The following NPAS3 variants were observed in gnomAD, a reference collection of about 807,000 sequenced individuals.
NPAS3 encodes the protein neuronal PAS domain protein 3, also known as neuronal PAS domain-containing protein 3.
Under a neutral mutation model 73.1 loss-of-function variants are expected in NPAS3, and 14 were observed. The observed-to-expected ratio is 0.19, with a 90% CI of 0.13 to 0.30. NPAS3 has a LOEUF of 0.30. NPAS3 is among the 10% of genes least tolerant of loss of function. The pLI is 1.00. For synonymous variants in NPAS3, 620 were observed against 541.5 expected (o/e 1.14, Z -2.01); for missense variants, 1,096 against 1,250.0 (o/e 0.88, Z 1.86).
intron 3 of NPAS3, among the ~76,000 whole-genome samples, chr14:33,356,766 C>G (rs987690045): frequency 6.6e-6 from 1 of 152,062 alleles, no homozygotes; most frequent in African/African-American, 2.4e-5. Flanking sequence ...TGAATATTGT[C>G]TTATGAAGAG....
chr14:33,794,098 A>T, intron 10 of NPAS3, 54 bp downstream of exon 10: 16 of 1,488,870 alleles, frequency 1.1e-5, no homozygotes, highest in Non-Finnish European at 1.5e-5. Flanking sequence ...TATGCCATAT[A>T]AAATATGGCT....
At chr14:33,646,818 G>A (rs61972993) in intron 5 of NPAS3, among the ~76,000 whole-genome samples, 2,175 of 151,264 alleles carry the variant, frequency 0.014, 30 homozygotes, top group Non-Finnish European at 0.024. Flanking sequence ...CAGCACTCAC[G>A]AAGAGATTTG....
intron 5 of NPAS3, among the ~76,000 whole-genome samples, chr14:33,598,099 A>C (rs2057298800): frequency 6.6e-6 from 1 of 152,198 alleles, no homozygotes; most frequent in African/African-American, 2.4e-5. Context: ...CTTGAAAAAT[A>C]AGTTACTGCT....
chr14:33,670,425 C>T (rs2140311884), intron 5 of NPAS3, among the ~76,000 whole-genome samples: 1 of 152,182 alleles, frequency 6.6e-6, no homozygotes, highest in South Asian at 2.1e-4. Context: ...TAGAATGAGA[C>T]AGAGCAGTAA....
At chr14:33,175,772 A>T (rs908827611) in intron 2 of NPAS3, among the ~76,000 whole-genome samples, 1 of 152,140 alleles carries the variant, frequency 6.6e-6, no homozygotes, top group South Asian at 2.1e-4. Flanking sequence ...TATTATTTTT[A>T]AAAAAATCAT....
chr14:33,693,691 G>T (rs1260241943), intron 6 of NPAS3, among the ~76,000 whole-genome samples: 1 of 152,180 alleles, frequency 6.6e-6, no homozygotes, highest in Non-Finnish European at 1.5e-5. Context: ...TTTGTCAGAT[G>T]TGATTCTTAA....
chr14:33,120,426 G>A (rs1246309401), intron 2 of NPAS3, among the ~76,000 whole-genome samples: 1 of 152,144 alleles, frequency 6.6e-6, no homozygotes, highest in South Asian at 2.1e-4. Context: ...GGTGACCATA[G>A]TCTGTTCTCA....
intron 6 of NPAS3, among the ~76,000 whole-genome samples, chr14:33,719,951 A>C (rs926407849): frequency 3.3e-5 from 5 of 152,204 alleles, no homozygotes; most frequent in Non-Finnish European, 7.3e-5. Context: ...TGGGAGTTTT[A>C]TAATAAGAAA....
At chr14:33,547,558 G>A (rs1030550993) in intron 4 of NPAS3, among the ~76,000 whole-genome samples, 2 of 152,136 alleles carry the variant, frequency 1.3e-5, no homozygotes, top group African/African-American at 4.8e-5. Flanking sequence ...TGCGAAGTAC[G>A]GTCCACGCTC....
chr14:33,227,216 C>T (rs1011815204), intron 3 of NPAS3, among the ~76,000 whole-genome samples: 2 of 152,120 alleles, frequency 1.3e-5, no homozygotes, highest in Non-Finnish European at 2.9e-5. Flanking sequence ...TCTATGGATA[C>T]TGAGCTCCTG....
intron 2 of NPAS3, among the ~76,000 whole-genome samples, chr14:33,211,189 A>G (rs2139654283): frequency 6.6e-6 from 1 of 152,380 alleles, no homozygotes; most frequent in African/African-American, 2.4e-5. Context: ...AAGTGAGGCA[A>G]TAGAAGTCAC....
intron 6 of NPAS3, among the ~76,000 whole-genome samples, chr14:33,700,469 G>A (rs562544071): frequency 7.9e-5 from 12 of 152,264 alleles, no homozygotes; most frequent in Non-Finnish European, 1.3e-4. Flanking sequence ...CAGCTCAAGG[G>A]ATTATTTTAA....
Position 33,272,629 on chromosome 14 carries a change from C to T in NPAS3, c.385+57203C>T, listed in dbSNP as rs562046082. ...ATGGGGTTTCACCATGTTGGCTAGG[C>T]TGGTCTTGAACTCCTGATCTCAAGT... On this transcript the variant is annotated intron_variant, in intron 3 of 11. Transcript: ENST00000356141. Among the ~76,000 whole-genome samples the T allele has an allele frequency of 4.6e-4, 70 of 152,182 alleles. 1 individual carries two copies. The highest frequency in any genetic ancestry group is 2.6e-4 in the Non-Finnish European group (18 of 67,990).
intron 5 of NPAS3, among the ~76,000 whole-genome samples, chr14:33,589,597 T>A (rs2056990389): frequency 6.6e-6 from 1 of 152,194 alleles, no homozygotes; most frequent in South Asian, 2.1e-4. Flanking sequence ...AATAAGAGTT[T>A]GTAGTTCCAG....
At chr14:33,495,014 C>A (rs866624657) in intron 4 of NPAS3, among the ~76,000 whole-genome samples, 1 of 152,072 alleles carries the variant, frequency 6.6e-6, no homozygotes, top group Non-Finnish European at 1.5e-5. Context: ...TTGTCTTCTG[C>A]TAGCTTTTGA....
At chr14:33,070,919 C>G (rs1300793330) in intron 2 of NPAS3, among the ~76,000 whole-genome samples, 1 of 152,120 alleles carries the variant, frequency 6.6e-6, no homozygotes, top group African/African-American at 2.4e-5. Flanking sequence ...GTGCTTTTAC[C>G]TTTTTATCCA....
chr14:33,371,927 A>T (rs962997517), intron 4 of NPAS3, among the ~76,000 whole-genome samples: 1 of 152,170 alleles, frequency 6.6e-6, no homozygotes, highest in Non-Finnish European at 1.5e-5. Context: ...GATTTTAAAA[A>T]CTTAAGTAAC....
intron 2 of NPAS3, among the ~76,000 whole-genome samples, chr14:33,102,619 A>C (rs1396210643): frequency 1.3e-5 from 2 of 152,176 alleles, no homozygotes; most frequent in Non-Finnish European, 2.9e-5. Context: ...TTAAGACAAC[A>C]TCATGAGACC....
intron 3 of NPAS3, among the ~76,000 whole-genome samples, chr14:33,241,487 A>G (rs1339532862): frequency 6.6e-6 from 1 of 151,966 alleles, no homozygotes; most frequent in Non-Finnish European, 1.5e-5. Context: ...AGAATAATTT[A>G]TATCAGAGGT....
Sources: gnomAD v4.1 joint callset for allele counts (sites outside exome capture counted in the v4.1 genomes callset) on GRCh38, gnomAD v4.1.1 for gene constraint, MANE v1.5 for transcripts, NCBI Gene and HGNC (gene_info 2026-07-23, HGNC 2026-07-21) for gene names.